TTC19: variants seen among roughly 807,000 people sequenced by gnomAD.
TTC19 encodes the protein tetratricopeptide repeat domain 19.
In TTC19, 38 loss-of-function variants were observed where a neutral mutation model predicts 49.5. That is an observed-to-expected ratio of 0.77 (90% CI 0.59 to 1.01). The LOEUF (loss-of-function observed/expected upper bound fraction) is 1.01, where lower values mean the gene tolerates loss of function less well. Ranked by LOEUF, TTC19 falls within the 50% of genes least tolerant of loss-of-function variation. The probability of loss-of-function intolerance (pLI) is 0.00; values close to 1 mark genes in which losing one functional copy is unlikely to be tolerated. For missense variants in TTC19, 475 were observed against 477.7 expected (o/e 0.99, Z 0.05); for synonymous variants, 204 against 185.2 (o/e 1.10, Z -0.83).
At chr17:16,005,790 C>T (rs1970888670) in intron 6 of TTC19, among the ~76,000 whole-genome samples, 1 of 152,180 alleles carries the variant, frequency 6.6e-6, no homozygotes, top group Non-Finnish European at 1.5e-5. Context: ...GGAATCCTCA[C>T]TGTAGGGCGG....
chr17:16,028,176 G>A lies in TTC19; in HGVS notation c.*654G>A, dbSNP rs1280141959. 2 of 453,908 alleles carry A rather than the reference G, an allele frequency of 4.4e-6. No individual in the cohort carries two copies. The highest frequency in any genetic ancestry group is 2.3e-5 in the Admixed American group (1 of 42,556). The allele number at this position is 453,908 out of a possible 1,614,324, so 28.1% of individuals were successfully genotyped here. On this transcript the variant is annotated 3_prime_UTR_variant, in exon 10 of 10. Transcript: ENST00000261647. ...CTGGTTATATAAAACTAAAAATGGGGGTGTTTATATAAAACTAAAAACTAA... is the reference window on the plus strand; with the variant it reads ...CTGGTTATATAAAACTAAAAATGGGAGTGTTTATATAAAACTAAAAACTAA...
Position 16,003,903 on chromosome 17 carries a change from A to G in TTC19, c.519+16A>G. On this transcript the variant is annotated intron_variant, in intron 5 of 9. Transcript: ENST00000261647. Reference sequence around the variant, plus strand: ...CATGAAGCAGGTAAGGACATTGCCTAGTATTGGCCCCTCACTGAAGCAGTT... The same window carrying G: ...CATGAAGCAGGTAAGGACATTGCCTGGTATTGGCCCCTCACTGAAGCAGTT... The G allele has an allele frequency of 6.2e-7, 1 of 1,612,764 alleles. No individual in the cohort carries two copies.
At chr17:16,032,413 T>A (rs1180914155), downstream of TTC19, 1 of 1,614,112 alleles carries the variant, frequency 6.2e-7, no homozygotes, top group Non-Finnish European at 8.5e-7. Context: ...AGGGAGCACA[T>A]GCAATCGGTG....
chr17:16,034,941 C>G, intron 2 of TTC19: 1 of 1,613,102 alleles, frequency 6.2e-7, no homozygotes, highest in Non-Finnish European at 8.5e-7. Flanking sequence ...TTTGCAAACT[C>G]CTCCTGAAAG....
Position 16,004,234 on chromosome 17 carries a change from C to G in TTC19, c.553C>G (p.Leu185Val), listed in dbSNP as rs771002704. The change falls in exon 6 of 10, where the codon CTG becomes GTG. Residue 185 changes from leucine (L) to valine (V), a missense_variant. Physicochemically the swap from Leu to Val is conservative, Grantham distance 32 (BLOSUM62 1). Coordinates refer to ENST00000261647, the MANE Select transcript of TTC19 (RefSeq NM_017775.4). ...TGCAATAATTGAAATTTCCCTAAAG[C>G]TGGCCAGTATCTATGCTGCGCAGAA... ...DNAIIEISLK[L>V]ASIYAAQNRQ... is the part of the protein sequence containing the mutation. The G allele has an allele frequency of 6.2e-7, 1 of 1,614,232 alleles. No homozygotes were observed. The highest frequency in any genetic ancestry group is 1.7e-5 in the Admixed American group (1 of 60,030).
At chr17:16,040,551 T>A in intron 2 of TTC19, 1 of 1,437,344 alleles carries the variant, frequency 7.0e-7, no homozygotes, top group Non-Finnish European at 9.7e-7. Flanking sequence ...TATACCAAAC[T>A]AAAGTCTCAA....
At chr17:16,009,599 T>C (rs1971008401) in intron 7 of TTC19, among the ~76,000 whole-genome samples, 1 of 152,160 alleles carries the variant, frequency 6.6e-6, no homozygotes, top group South Asian at 2.1e-4. Flanking sequence ...GTATAGAAAA[T>C]GTGTTACATG....
Position 16,000,044 on chromosome 17 carries a change from G to C in TTC19, c.184+12G>C. 7.9e-7 allele frequency: 1 copy of C among 1,261,856 alleles called. No homozygotes were observed. The highest frequency in any genetic ancestry group is 9.9e-7 in the Non-Finnish European group (1 of 1,006,190). 78.2% of individuals were successfully genotyped at this position (1,261,856 alleles called of 1,614,324 possible). A position where few individuals can be genotyped will look rare whatever the true frequency, so the allele number is the denominator to read the frequency against. On this transcript the variant is annotated intron_variant, in intron 1 of 9. Transcript: ENST00000261647. ...GCCGCTGCTGGCAGGTGAGGGGCGC[G>C]GGCCGGGCGGGGCCGGCCGGGCGGG...
At chr17:16,032,882 A>G (rs1972484073), downstream of TTC19, among the ~76,000 whole-genome samples, 1 of 152,244 alleles carries the variant, frequency 6.6e-6, no homozygotes, top group Non-Finnish European at 1.5e-5. Context: ...ACAAGTACCC[A>G]GGAACGTCTG....
chr17:16,039,865 A>G (rs1597655775), intron 2 of TTC19: 2 of 504,812 alleles, frequency 4.0e-6, no homozygotes, highest in South Asian at 2.1e-5. Context: ...ATCTTGGCTC[A>G]CTGCAACCTC....
intron 2 of TTC19, chr17:16,040,369 C>T: frequency 8.2e-7 from 1 of 1,226,378 alleles, no homozygotes; most frequent in Non-Finnish European, 1.2e-6. Flanking sequence ...AGTTGGTACT[C>T]AGTACATATT....
intron 2 of TTC19, among the ~76,000 whole-genome samples, chr17:16,044,051 C>T (rs2058210863): frequency 1.3e-5 from 2 of 151,892 alleles, no homozygotes; most frequent in Non-Finnish European, 2.9e-5. Context: ...TGCCTGTAAT[C>T]CCAGCTACTC....
chr17:16,029,693 C>T (rs965699633), downstream of TTC19: 2 of 153,784 alleles, frequency 1.3e-5, no homozygotes, highest in African/African-American at 2.4e-5. Context: ...GTGCTTACCA[C>T]TTAAATCATG....
intron 2 of TTC19, among the ~76,000 whole-genome samples, chr17:16,037,529 T>C (rs2056666544): frequency 6.6e-6 from 1 of 152,112 alleles, no homozygotes; most frequent in South Asian, 2.1e-4. Context: ...ATGTGGTAAT[T>C]AAGGAACTGA....
intron 2 of TTC19, among the ~76,000 whole-genome samples, chr17:16,041,590 T>C (rs2057661334): frequency 6.6e-6 from 1 of 151,548 alleles, no homozygotes; most frequent in Non-Finnish European, 1.5e-5. Flanking sequence ...AATTTTTGTA[T>C]TTTTAGTAGA....
intron 7 of TTC19, 166 bp from the exon 8 acceptor site, chr17:16,024,851 G>A (rs1394992125): frequency 1.5e-6 from 1 of 658,156 alleles, no homozygotes; most frequent in Non-Finnish European, 2.7e-6. Flanking sequence ...TTAAAATGTG[G>A]GCTGAAGTTC....
intron 9 of TTC19, 122 bp downstream of exon 9, chr17:16,026,824 CTGGT>C: frequency 1.9e-6 from 2 of 1,036,900 alleles, no homozygotes; most frequent in Non-Finnish European, 1.5e-6. Context: ...AATTAAAAGA[CTGGT>C]TGAATGGCAG....
Position 16,029,174 on chromosome 17 carries a change from T to TATTTA in TTC19, c.*1653_*1657dup, listed in dbSNP as rs1240291638. 2.2e-6 allele frequency: 1 copy of TATTTA among 453,282 alleles called. No homozygotes were observed. The highest frequency in any genetic ancestry group is 2.4e-5 in the Admixed American group (1 of 42,448). The allele number at this position is 453,282 out of a possible 1,614,324, so 28.1% of individuals were successfully genotyped here. A position where few individuals can be genotyped will look rare whatever the true frequency, so the allele number is the denominator to read the frequency against. The stretch of plus-strand genomic sequence containing the variant: ...CTGAAAGGTTTTTCATTCCAAGTTT[T>TATTTA]ATTTATTTATTAATTTTAAATCATC... On this transcript the variant is annotated 3_prime_UTR_variant, in exon 10 of 10. Transcript: ENST00000261647.
chr17:16,028,660 G>A lies in TTC19; in HGVS notation c.*1138G>A, dbSNP rs1971676907. The A allele has an allele frequency of 2.2e-6, 1 of 453,706 alleles. No individual in the cohort carries two copies. 28.1% of individuals were successfully genotyped at this position (453,706 alleles called of 1,614,324 possible). On this transcript the variant is annotated 3_prime_UTR_variant, in exon 10 of 10. Coordinates refer to ENST00000261647, the MANE Select transcript of TTC19 (RefSeq NM_017775.4). The stretch of plus-strand genomic sequence containing the variant: ...AAAAGACAGTTTTTCTAGGTACCAT[G>A]AAGGAAGATTGACCCTGTTGGTATG...
Sources: allele counts gnomAD v4.1 joint callset (sites outside exome capture counted in the v4.1 genomes callset), GRCh38; gene constraint gnomAD v4.1.1; transcripts MANE v1.5; gene names NCBI Gene and HGNC (gene_info 2026-07-23, HGNC 2026-07-21).